Variants in SEMA3A observed in about 807,000 individuals in gnomAD.
SEMA3A encodes semaphorin 3A, also known as semaphorin-3A.
In SEMA3A, 29 loss-of-function variants were observed where a neutral mutation model predicts 97.9. The observed-to-expected ratio is 0.30, with a 90% CI of 0.22 to 0.40. The LOEUF (loss-of-function observed/expected upper bound fraction) is 0.40. Among genes scored for constraint, SEMA3A ranks in the 10% least tolerant of loss-of-function variants. The pLI, the probability that SEMA3A is intolerant of heterozygous loss-of-function variation, is 1.00. For synonymous variants in SEMA3A, 321 were observed against 323.7 expected (o/e 0.99, Z 0.09); for missense variants, 763 against 951.3 (o/e 0.80, Z 2.60).
At chr7:84,242,817 C>A (rs1164434899) in intron 3 of SEMA3A, among the ~76,000 whole-genome samples, 1 of 152,094 alleles carries the variant, frequency 6.6e-6, no homozygotes, top group Admixed American at 6.5e-5. Flanking sequence ...CTATCAATAC[C>A]TAGTTTATTG....
intron 1 of SEMA3A, among the ~76,000 whole-genome samples, chr7:84,390,297 A>ATTT (rs761804699): frequency 8.1e-4 from 117 of 145,264 alleles, no homozygotes; most frequent in African/African-American, 2.7e-3. Context: ...GCAGTGCAAG[A>ATTT]TTTTTTTTTT....
At chr7:84,387,699 C>G (rs1803435568) in intron 1 of SEMA3A, among the ~76,000 whole-genome samples, 1 of 152,162 alleles carries the variant, frequency 6.6e-6, no homozygotes, top group Admixed American at 6.5e-5. Context: ...CATAGTCTGA[C>G]TCTTTTATAG....
upstream of SEMA3A, among the ~76,000 whole-genome samples, chr7:84,199,998 G>T (rs1281736858): frequency 6.6e-6 from 1 of 151,996 alleles, no homozygotes; most frequent in Admixed American, 6.6e-5. Context: ...AGAAGGAATT[G>T]ATAAAATGCA....
At chr7:84,124,725 G>T (rs904190218) in intron 3 of SEMA3A, among the ~76,000 whole-genome samples, 1 of 151,826 alleles carries the variant, frequency 6.6e-6, no homozygotes, top group African/African-American at 2.4e-5. Context: ...AAATCCCAGG[G>T]ATCCATCCAA....
chr7:84,046,027 GT>G (rs1792336023), intron 6 of SEMA3A, among the ~76,000 whole-genome samples: 1 of 151,414 alleles, frequency 6.6e-6, no homozygotes, highest in Non-Finnish European at 1.5e-5. Context: ...GACAGAATTG[GT>G]AAGTCATCTT....
At chr7:84,270,666 T>C (rs1017526837) in intron 3 of SEMA3A, among the ~76,000 whole-genome samples, 8 of 148,464 alleles carry the variant, frequency 5.4e-5, no homozygotes, top group Non-Finnish European at 1.2e-4. Context: ...TATTCATATA[T>C]ATATGAATAT....
chr7:84,159,875 TTCATAATTTGTGCA>T (rs1182172504), intron 1 of SEMA3A, among the ~76,000 whole-genome samples: 1 of 152,118 alleles, frequency 6.6e-6, no homozygotes, highest in Non-Finnish European at 1.5e-5. Flanking sequence ...TAATATGAGT[TTCATAATTTGTGCA>T]TTTTGCTGTT....
intron 2 of SEMA3A, among the ~76,000 whole-genome samples, chr7:84,334,643 T>C (rs1191549440): frequency 6.7e-6 from 1 of 149,752 alleles, no homozygotes; most frequent in Non-Finnish European, 1.5e-5. Flanking sequence ...TCCCCCAACC[T>C]GCTGCCTCCT....
At chr7:84,142,251 C>T (rs983273500) in intron 1 of SEMA3A, among the ~76,000 whole-genome samples, 18 of 152,072 alleles carry the variant, frequency 1.2e-4, no homozygotes, top group African/African-American at 3.4e-4. Context: ...ATGTATAACA[C>T]GTAGACCTTG....
intron 1 of SEMA3A, 41 bp downstream of exon 1, chr7:84,194,434 T>C: frequency 7.4e-7 from 1 of 1,343,966 alleles, no homozygotes; most frequent in Middle Eastern, 1.8e-4. Context: ...GGGGGGGCGG[T>C]TATTACAAAG....
chr7:84,113,704 C>G (rs1019819879), intron 3 of SEMA3A, among the ~76,000 whole-genome samples: 1 of 152,152 alleles, frequency 6.6e-6, no homozygotes, highest in South Asian at 2.1e-4. Context: ...AGTTTAGCAA[C>G]AAGTTGGCAG....
intron 1 of SEMA3A, among the ~76,000 whole-genome samples, chr7:84,468,829 G>A (rs150920834): frequency 0.016 from 2,413 of 150,218 alleles, 89 homozygotes; most frequent in East Asian, 0.16. Flanking sequence ...TTTTTTTTTA[G>A]AAAAATGATT....
At chr7:84,426,540 G>A (rs911672261) in intron 1 of SEMA3A, among the ~76,000 whole-genome samples, 14 of 152,028 alleles carry the variant, frequency 9.2e-5, no homozygotes, top group African/African-American at 3.4e-4. Flanking sequence ...CTTCTGCCTT[G>A]AGGTAAAGTA....
intron 12 of SEMA3A, among the ~76,000 whole-genome samples, chr7:83,991,376 G>A (rs1789920601): frequency 1.3e-5 from 2 of 151,642 alleles, no homozygotes; most frequent in Admixed American, 6.6e-5. Flanking sequence ...AGTGGTGAGA[G>A]AGGGCATCCC....
At chr7:84,487,923 G>C (rs1023975455) in intron 1 of SEMA3A, among the ~76,000 whole-genome samples, 4 of 152,110 alleles carry the variant, frequency 2.6e-5, no homozygotes, top group African/African-American at 4.8e-5. Context: ...TGTAGAAAAT[G>C]AGTTGGGGTT....
At chr7:84,408,130 T>TC (rs1267833786) in intron 1 of SEMA3A, among the ~76,000 whole-genome samples, 6 of 152,214 alleles carry the variant, frequency 3.9e-5, no homozygotes, top group African/African-American at 1.4e-4. Context: ...GAGAAAATTT[T>TC]GCAACCTACT....
chr7:84,437,208 G>C (rs767693152), intron 1 of SEMA3A, among the ~76,000 whole-genome samples: 2 of 152,020 alleles, frequency 1.3e-5, no homozygotes, highest in Non-Finnish European at 2.9e-5. Context: ...ATATTTTAAT[G>C]GCTAAAGGTT....
chr7:84,405,589 T>G (rs920060072), intron 1 of SEMA3A, among the ~76,000 whole-genome samples: 14 of 152,150 alleles, frequency 9.2e-5, no homozygotes, highest in African/African-American at 3.4e-4. Context: ...CAACAGAATA[T>G]GCATTCTTTG....
At chr7:84,306,327 A>C (rs1206034800) in intron 3 of SEMA3A, 2 of 152,010 alleles carry the variant, frequency 1.3e-5, no homozygotes, top group African/African-American at 4.8e-5. Context: ...GAACCCAATA[A>C]AATTGTGAAT....
Sources: gnomAD v4.1 joint callset for allele counts (sites outside exome capture counted in the v4.1 genomes callset) on GRCh38, gnomAD v4.1.1 for gene constraint, MANE v1.5 for transcripts, NCBI Gene and HGNC (gene_info 2026-07-23, HGNC 2026-07-21) for gene names.